Variants in ANGPT2 observed in about 807,000 individuals in gnomAD.
ANGPT2 encodes the protein angiopoietin-2.
Under a neutral mutation model 62.9 loss-of-function variants are expected in ANGPT2, and 28 were observed. The ratio of observed to expected loss-of-function variants is 0.44; its 90% CI spans 0.33 to 0.61. ANGPT2 has a LOEUF of 0.61. Ranked by LOEUF, ANGPT2 falls within the 20% of genes least tolerant of loss-of-function variation. The pLI, the probability that ANGPT2 is intolerant of heterozygous loss-of-function variation, is 0.03. For synonymous variants in ANGPT2, 284 were observed against 207.8 expected (o/e 1.37, Z -3.15); for missense variants, 727 against 594.9 (o/e 1.22, Z -2.31).
At position 6,532,496 on chromosome 8, in the gene ANGPT2, G is replaced by C. The variant is rs759069460; in HGVS notation, c.289-9C>G. 8.8e-6 allele frequency: 14 copies of C among 1,594,462 alleles called. No individual in the cohort carries two copies. The highest frequency in any genetic ancestry group is 2.3e-5 in the East Asian group (1 of 43,988). ...TGGATATAATTCTCAAGCTAGAAAA[G>C]AACAGTGTTAGAAGGCAGTCATTAG... On this transcript the variant is annotated splice_polypyrimidine_tract_variant and intron_variant, in intron 1 of 8. Coordinates refer to ENST00000629816, the MANE Select transcript of ANGPT2 (RefSeq NM_001118887.2).
At chr8:6,538,370 C>G (rs988219956) in intron 1 of ANGPT2, among the ~76,000 whole-genome samples, 1 of 152,252 alleles carries the variant, frequency 6.6e-6, no homozygotes, top group South Asian at 2.1e-4. Flanking sequence ...CATCCCCCAG[C>G]TGCTCTCCTT....
intron 1 of ANGPT2, among the ~76,000 whole-genome samples, chr8:6,546,319 T>C (rs2044744): frequency 0.99 from 151,472 of 152,344 alleles, 75,309 homozygotes; most frequent in Middle Eastern, 1. Flanking sequence ...CTCAAAGCAG[T>C]TCACCGTTTC....
intron 2 of ANGPT2, among the ~76,000 whole-genome samples, chr8:6,531,293 CTT>C (rs112161330): frequency 8.4e-5 from 12 of 142,308 alleles, no homozygotes; most frequent in Admixed American, 2.1e-4. Context: ...TTCTTTCTTT[CTT>C]TTTTTTTTTT....
intron 1 of ANGPT2, among the ~76,000 whole-genome samples, chr8:6,558,548 A>G (rs977329931): frequency 1.3e-5 from 2 of 152,348 alleles, no homozygotes; most frequent in African/African-American, 4.8e-5. Context: ...TAACTGGCTT[A>G]CAGATAAACT....
chr8:6,562,578 T>TTTTTTTTA, intron 1 of ANGPT2, 69 bp downstream of exon 1: 2 of 880,186 alleles, frequency 2.3e-6, no homozygotes, highest in Non-Finnish European at 3.1e-6. Flanking sequence ...TTTTGGTTGT[T>TTTTTTTTA]AAAACCTGAG....
At chr8:6,537,460 T>C (rs899402699) in intron 1 of ANGPT2, among the ~76,000 whole-genome samples, 1 of 151,970 alleles carries the variant, frequency 6.6e-6, no homozygotes. Flanking sequence ...TTTGATTTGC[T>C]AAAAGAGTTG....
intron 1 of ANGPT2, among the ~76,000 whole-genome samples, chr8:6,535,270 A>C (rs1380647880): frequency 6.6e-6 from 1 of 152,132 alleles, no homozygotes; most frequent in Admixed American, 6.6e-5. Flanking sequence ...TGTGTTTGCA[A>C]CTCTCCAGAG....
At chr8:6,561,301 TC>T (rs1825501271) in intron 1 of ANGPT2, among the ~76,000 whole-genome samples, 1 of 152,190 alleles carries the variant, frequency 6.6e-6, no homozygotes, top group Non-Finnish European at 1.5e-5. Flanking sequence ...ATTTGATAGG[TC>T]ATTTTGGTAA....
At chr8:6,523,218 C>T (rs1339672567) in intron 3 of ANGPT2, among the ~76,000 whole-genome samples, 3 of 152,074 alleles carry the variant, frequency 2.0e-5, no homozygotes, top group Admixed American at 6.5e-5. Context: ...AGGGTGGTCT[C>T]GATCTCCTGA....
Position 6,505,210 on chromosome 8 carries a change from T to TATATATATATTCTTATGTATATATAGA in ANGPT2, c.1328-1950_1328-1949insTCTATATATACATAAGAATATATATAT, listed in dbSNP as rs1563304943. Among the ~76,000 whole-genome samples, 109 of 58,964 alleles carry TATATATATATTCTTATGTATATATAGA rather than the reference T, an allele frequency of 1.8e-3. 3 individuals are homozygous for TATATATATATTCTTATGTATATATAGA. Among genetic ancestry groups the TATATATATATTCTTATGTATATATAGA allele is most frequent in the East Asian group, 0.01 (9 of 886 alleles). The allele number at this position is 58,964 out of a possible 152,430, so 38.7% of individuals were successfully genotyped here. A position where few individuals can be genotyped will look rare whatever the true frequency, so the allele number is the denominator to read the frequency against. On this transcript the variant is annotated intron_variant, in intron 8 of 8. Coordinates refer to ENST00000629816, the MANE Select transcript of ANGPT2 (RefSeq NM_001118887.2). The stretch of plus-strand genomic sequence containing the variant: ...TATATATTCTTATGTATATATAGAA[T>TATATATATATTCTTATGTATATATAGA]ATATATATATATTCTTATGTATATA...
intron 5 of ANGPT2, among the ~76,000 whole-genome samples, chr8:6,519,297 G>C (rs1816863904): frequency 6.6e-6 from 1 of 152,276 alleles, no homozygotes; most frequent in East Asian, 1.9e-4. Context: ...CTGTGGCACT[G>C]TGTTAGCGTT....
At chr8:6,556,359 G>C (rs1363804626) in intron 1 of ANGPT2, among the ~76,000 whole-genome samples, 1 of 151,898 alleles carries the variant, frequency 6.6e-6, no homozygotes, top group Non-Finnish European at 1.5e-5. Flanking sequence ...TATTACTTGG[G>C]TAATAGGAAT....
rs974163860 is a variant in ANGPT2, at chr8:6,504,250, G to A, written c.1328-989C>T. ...GGAGAATGGCGTGAACCCGGGAGGC[G>A]GAGCTTGCAGTGAGCCGAGATCGCG... is the stretch of plus-strand genomic sequence containing the variant. On this transcript the variant is annotated intron_variant, in intron 8 of 8. Transcript: ENST00000629816. 7.4e-5 allele frequency among the ~76,000 whole-genome samples: 11 copies of A among 149,482 alleles called. 1 individual carries two copies. Among genetic ancestry groups the A allele is most frequent in the African/African-American group, 2.0e-4 (8 of 40,350 alleles).
At position 6,517,885 on chromosome 8, in the gene ANGPT2, A is replaced by T. The variant is rs547241172; in HGVS notation, c.927+1979T>A. Among the ~76,000 whole-genome samples, 3 of 152,356 alleles carry T rather than the reference A, an allele frequency of 2.0e-5. No individual in the cohort carries two copies. The East Asian group carries it at 5.8e-4, about 29-fold the overall frequency. ...GAAGGGAATTTAGAAGTAACAATTG[A>T]CACCACTTATTTTTCAAGATGAGAA... On this transcript the variant is annotated intron_variant, in intron 5 of 8. Coordinates refer to ENST00000629816, the MANE Select transcript of ANGPT2 (RefSeq NM_001118887.2).
At chr8:6,529,664 C>T (rs1213245547) in intron 2 of ANGPT2, among the ~76,000 whole-genome samples, 3 of 147,588 alleles carry the variant, frequency 2.0e-5, no homozygotes, top group African/African-American at 7.5e-5. Flanking sequence ...GGGGTTTCAC[C>T]ATGTTGCTCA....
In ANGPT2 at chr8:6,562,740, C is replaced by T; in HGVS notation, c.195G>A (p.Val65=). 1 of 1,613,884 alleles carries T rather than the reference C, an allele frequency of 6.2e-7. No homozygotes were observed. The highest frequency in any genetic ancestry group is 8.5e-7 in the Non-Finnish European group (1 of 1,179,982). Residue 65 remains valine (V), a synonymous_variant, in exon 1 of 9, where the codon GTG becomes GTA. Transcript: ENST00000629816. ...CGTATTCGAGCGGCGCGTCCCTCTG[C>T]ACAGCATTGGACACGTAGGGGCTGG... The part of the protein sequence containing the change: ...SSSSPYVSNA[V]QRDAPLEYDD...
At chr8:6,555,088 T>G (rs903961742) in intron 1 of ANGPT2, among the ~76,000 whole-genome samples, 3 of 152,162 alleles carry the variant, frequency 2.0e-5, no homozygotes, top group Non-Finnish European at 4.4e-5. Flanking sequence ...TTCATACTGG[T>G]ATTCTAAACC....
At chr8:6,529,035 C>G (rs1818934747) in intron 2 of ANGPT2, among the ~76,000 whole-genome samples, 1 of 152,170 alleles carries the variant, frequency 6.6e-6, no homozygotes, top group South Asian at 2.1e-4. Context: ...AAAATTGTGT[C>G]CTGTTTAATT....
At chr8:6,514,466 G>T (rs866270960) in intron 6 of ANGPT2, among the ~76,000 whole-genome samples, 31 of 152,328 alleles carry the variant, frequency 2.0e-4, no homozygotes, top group South Asian at 1.7e-3. Flanking sequence ...TGGGATTACA[G>T]GCGTGAGCCA....
Sources: gnomAD v4.1 joint callset for allele counts (sites outside exome capture counted in the v4.1 genomes callset) on GRCh38, gnomAD v4.1.1 for gene constraint, MANE v1.5 for transcripts, NCBI Gene and HGNC (gene_info 2026-07-23, HGNC 2026-07-21) for gene names.